ZMAT4: variants seen among roughly 807,000 people sequenced by gnomAD.
ZMAT4 encodes the protein zinc finger matrin-type protein 4.
ZMAT4 carries 17 observed loss-of-function variants against 28.7 expected under a neutral mutation model. The ratio of observed to expected loss-of-function variants is 0.59; its 90% CI spans 0.41 to 0.89. ZMAT4 has a LOEUF of 0.89. Ranked by LOEUF, ZMAT4 falls within the 40% of genes least tolerant of loss-of-function variation. ZMAT4 has a pLI of 0.00. For synonymous variants in ZMAT4, 117 were observed against 109.2 expected (o/e 1.07, Z -0.44); for missense variants, 240 against 283.8 (o/e 0.85, Z 1.11).
intron 6 of ZMAT4, among the ~76,000 whole-genome samples, chr8:40,578,264 G>A (rs1213014623): frequency 6.6e-6 from 1 of 151,938 alleles, no homozygotes; most frequent in African/African-American, 2.4e-5. Flanking sequence ...TGTCTATGAT[G>A]GTCTTTTCAG....
intron 2 of ZMAT4, among the ~76,000 whole-genome samples, chr8:40,794,636 C>T (rs1010068725): frequency 1.2e-4 from 18 of 152,184 alleles, no homozygotes; most frequent in Admixed American, 5.2e-4. Context: ...CGCAGGGCAG[C>T]GTGGTCTGGG....
At chr8:40,832,441 C>T (rs551056471) in intron 1 of ZMAT4, among the ~76,000 whole-genome samples, 1 of 152,312 alleles carries the variant, frequency 6.6e-6, no homozygotes, top group African/African-American at 2.4e-5. Flanking sequence ...TGCCCTCCAA[C>T]GTGGCCTGAC....
At chr8:40,560,821 C>T (rs1337009031) in intron 6 of ZMAT4, among the ~76,000 whole-genome samples, 3 of 152,252 alleles carry the variant, frequency 2.0e-5, no homozygotes, top group East Asian at 3.9e-4. Context: ...AAAGACATCG[C>T]CAGCCAATGA....
intron 5 of ZMAT4, among the ~76,000 whole-genome samples, chr8:40,665,334 A>G (rs1456289160): frequency 1.3e-5 from 2 of 152,174 alleles, no homozygotes; most frequent in Non-Finnish European, 2.9e-5. Flanking sequence ...TCATGATTTG[A>G]AGTCCTAGAT....
At chr8:40,654,831 C>G (rs1807844385) in intron 5 of ZMAT4, among the ~76,000 whole-genome samples, 1 of 152,048 alleles carries the variant, frequency 6.6e-6, no homozygotes, top group South Asian at 2.1e-4. Context: ...AAAAAATCCA[C>G]AGCTGACATC....
At chr8:40,796,108 C>T (rs972818067) in intron 2 of ZMAT4, among the ~76,000 whole-genome samples, 4 of 152,168 alleles carry the variant, frequency 2.6e-5, no homozygotes, top group Admixed American at 6.5e-5. Flanking sequence ...CAGGGGCTGA[C>T]GCAGCTACAA....
chr8:40,850,481 C>T (rs1327031976), intron 1 of ZMAT4, among the ~76,000 whole-genome samples: 1 of 152,188 alleles, frequency 6.6e-6, no homozygotes. Context: ...CATGGAAAGT[C>T]TCTGTTTATG....
At chr8:40,721,473 T>C (rs372071407) in intron 3 of ZMAT4, among the ~76,000 whole-genome samples, 3 of 145,768 alleles carry the variant, frequency 2.1e-5, no homozygotes, top group East Asian at 2.0e-4. Context: ...GCATGATTTA[T>C]AGTCATTTGG....
chr8:40,752,590 G>A (rs987351240), intron 3 of ZMAT4, among the ~76,000 whole-genome samples: 2 of 152,142 alleles, frequency 1.3e-5, no homozygotes, highest in South Asian at 2.1e-4. Flanking sequence ...CTGTGACCGC[G>A]GGACGGGACA....
At chr8:40,619,199 G>A (rs966639490) in intron 5 of ZMAT4, among the ~76,000 whole-genome samples, 2 of 152,234 alleles carry the variant, frequency 1.3e-5, no homozygotes, top group African/African-American at 2.4e-5. Flanking sequence ...ACAAAGAAAC[G>A]TTGGTGGCCA....
At position 40,600,098 on chromosome 8, in the gene ZMAT4, C is replaced by T. The variant is rs577281143; in HGVS notation, c.578-18837G>A. 1.4e-3 allele frequency among the ~76,000 whole-genome samples: 212 copies of T among 152,346 alleles called. 1 individual carries two copies. Among genetic ancestry groups the T allele is most frequent in the African/African-American group, 4.9e-3 (203 of 41,588 alleles). On this transcript the variant is annotated intron_variant, in intron 5 of 6. Coordinates refer to ENST00000297737, the MANE Select transcript of ZMAT4 (RefSeq NM_024645.3). ...TTCTATCTAACCCCACATGCAAGAG[C>T]GCTGCTCCCTGTGCTGCTCACTAAA...
chr8:40,757,146 A>C (rs539536668), intron 3 of ZMAT4, among the ~76,000 whole-genome samples: 83 of 152,296 alleles, frequency 5.4e-4, no homozygotes, highest in African/African-American at 1.8e-3. Flanking sequence ...ACTTGTTCAT[A>C]GTATGGAAGC....
At chr8:40,829,448 G>T (rs767294025) in intron 1 of ZMAT4, among the ~76,000 whole-genome samples, 3 of 152,224 alleles carry the variant, frequency 2.0e-5, no homozygotes, top group Non-Finnish European at 4.4e-5. Context: ...GGGGGTCTGA[G>T]TTCCTACAGA....
chr8:40,696,242 T>C (rs747525063), intron 4 of ZMAT4, among the ~76,000 whole-genome samples: 1 of 152,182 alleles, frequency 6.6e-6, no homozygotes, highest in Non-Finnish European at 1.5e-5. Flanking sequence ...GTAAAATGAT[T>C]CCTTGTGATT....
At chr8:40,874,712 A>T (rs1472714346) in intron 1 of ZMAT4, among the ~76,000 whole-genome samples, 2 of 152,200 alleles carry the variant, frequency 1.3e-5, no homozygotes, top group African/African-American at 4.8e-5. Context: ...ACACTTTTGC[A>T]CCTGGATGGT....
chr8:40,792,337 A>C (rs1035553586), intron 2 of ZMAT4, among the ~76,000 whole-genome samples: 3 of 151,206 alleles, frequency 2.0e-5, no homozygotes, highest in Non-Finnish European at 4.4e-5. Context: ...ATATTCCCTG[A>C]ACTGGCCACT....
intron 4 of ZMAT4, chr8:40,690,793 G>T: frequency 1.7e-6 from 1 of 584,898 alleles, no homozygotes; most frequent in Non-Finnish European, 2.2e-6. Context: ...AAGTTCTGAA[G>T]CTCTGTCTCT....
At position 40,729,084 on chromosome 8, in the gene ZMAT4, C is replaced by G. The variant is rs12679727; in HGVS notation, c.193-31683G>C. Among the ~76,000 whole-genome samples, 67 of 152,086 alleles carry G rather than the reference C, an allele frequency of 4.4e-4. No homozygotes were observed. The East Asian group carries it at 0.012, about 27-fold the overall frequency. On this transcript the variant is annotated intron_variant, in intron 3 of 6. Transcript: ENST00000297737. ...TCATGAATTTGTTTCTTTGTTCAAC[C>G]GTTTTACATTTTCTTTTTAAACAGT...
At chr8:40,826,017 G>A (rs1442418083) in intron 1 of ZMAT4, among the ~76,000 whole-genome samples, 1 of 152,194 alleles carries the variant, frequency 6.6e-6, no homozygotes, top group Non-Finnish European at 1.5e-5. Flanking sequence ...CCAGTGTTTT[G>A]GGAGGCCGAG....
Sources: allele counts gnomAD v4.1 joint callset (sites outside exome capture counted in the v4.1 genomes callset), GRCh38; gene constraint gnomAD v4.1.1; transcripts MANE v1.5; gene names NCBI Gene and HGNC (gene_info 2026-07-23, HGNC 2026-07-21).